EPC1: variants seen among roughly 807,000 people sequenced by gnomAD.
EPC1 encodes the protein enhancer of polycomb homolog 1.
Under a neutral mutation model 98.4 loss-of-function variants are expected in EPC1, and 12 were observed. That is an observed-to-expected ratio of 0.12 (90% CI 0.08 to 0.20). The LOEUF (loss-of-function observed/expected upper bound fraction) is 0.20, where lower values mean the gene tolerates loss of function less well. Among genes scored for constraint, EPC1 ranks in the 10% least tolerant of loss-of-function variants. EPC1 has a pLI of 1.00. For missense variants in EPC1, 729 were observed against 990.5 expected (o/e 0.74, Z 3.54); for synonymous variants, 357 against 363.9 (o/e 0.98, Z 0.21).
intron 13 of EPC1, among the ~76,000 whole-genome samples, chr10:32,270,996 C>T (rs566034332): frequency 4.2e-4 from 26 of 61,454 alleles, no homozygotes; most frequent in Admixed American, 3.9e-3. Flanking sequence ...GAGCATTATA[C>T]GCTTTTTTTT....
At chr10:32,282,539 G>A (rs1196400436) in intron 10 of EPC1, 1 of 151,832 alleles carries the variant, frequency 6.6e-6, no homozygotes, top group East Asian at 1.9e-4. Context: ...ATAAATAGTT[G>A]TATCGCATAT....
At chr10:32,346,621 G>T in intron 1 of EPC1, 142 bp downstream of exon 1, 1 of 824,222 alleles carries the variant, frequency 1.2e-6, no homozygotes, top group Non-Finnish European at 1.9e-6. Flanking sequence ...GGGGAGGCGG[G>T]GTATAGGCCC....
intron 1 of EPC1, among the ~76,000 whole-genome samples, chr10:32,333,571 A>G (rs1837769481): frequency 1.3e-5 from 2 of 152,188 alleles, no homozygotes; most frequent in South Asian, 4.1e-4. Context: ...TGAGAAATGC[A>G]TTCTGAGCCA....
intron 1 of EPC1, among the ~76,000 whole-genome samples, chr10:32,342,507 T>C (rs1428274851): frequency 6.6e-6 from 1 of 152,334 alleles, no homozygotes; most frequent in East Asian, 1.9e-4. Flanking sequence ...CAATGTATAT[T>C]GTGCCAGTAA....
chr10:32,345,586 C>T, intron 1 of EPC1: 1 of 985,406 alleles, frequency 1.0e-6, no homozygotes, highest in Non-Finnish European at 1.2e-6. Flanking sequence ...TATGCAATTC[C>T]TTAGGATTAG....
At chr10:32,307,502 CTT>C (rs1592578331) in intron 1 of EPC1, among the ~76,000 whole-genome samples, 1 of 152,238 alleles carries the variant, frequency 6.6e-6, no homozygotes, top group East Asian at 1.9e-4. Context: ...AAATGTTGCT[CTT>C]CTTTGCTCAT....
At chr10:32,362,999 C>T (rs1322576529) in intron 1 of EPC1, among the ~76,000 whole-genome samples, 2 of 152,234 alleles carry the variant, frequency 1.3e-5, no homozygotes, top group Non-Finnish European at 2.9e-5. Context: ...ATTTCTGCTA[C>T]ACTTTTGTAA....
Position 32,331,890 on chromosome 10 carries a change from A to G in EPC1, c.153+14873T>C, listed in dbSNP as rs191526009. Among the ~76,000 whole-genome samples the G allele has an allele frequency of 1.3e-4, 20 of 152,326 alleles. No individual in the cohort carries two copies. The East Asian group carries it at 2.1e-3, about 16-fold the overall frequency. On this transcript the variant is annotated intron_variant, in intron 1 of 13. Coordinates refer to ENST00000319778, the MANE Select transcript of EPC1 (RefSeq NM_001272004.3). ...GCCTTAACATTTTCTCTGGCTTAAAATTTTGGTTTATTAAAATGTCTCATG... is the reference window on the plus strand; with the variant it reads ...GCCTTAACATTTTCTCTGGCTTAAAGTTTTGGTTTATTAAAATGTCTCATG...
At chr10:32,309,037 A>G (rs1303536952) in intron 1 of EPC1, among the ~76,000 whole-genome samples, 1 of 152,128 alleles carries the variant, frequency 6.6e-6, no homozygotes, top group East Asian at 1.9e-4. Context: ...CCAGGCACAG[A>G]AAAAAAATTT....
chr10:32,362,732 T>C (rs970551290), intron 1 of EPC1, among the ~76,000 whole-genome samples: 3 of 152,200 alleles, frequency 2.0e-5, no homozygotes, highest in African/African-American at 4.8e-5. Context: ...CCCACGAAGA[T>C]GCCAACTCAA....
At chr10:32,356,400 T>G (rs998482403) in intron 1 of EPC1, among the ~76,000 whole-genome samples, 2 of 151,792 alleles carry the variant, frequency 1.3e-5, no homozygotes, top group Non-Finnish European at 2.9e-5. Context: ...GTGGGATTCT[T>G]GGTGTGAAGA....
At chr10:32,335,388 C>T (rs1024656755) in intron 1 of EPC1, among the ~76,000 whole-genome samples, 1 of 152,072 alleles carries the variant, frequency 6.6e-6, no homozygotes, top group African/African-American at 2.4e-5. Flanking sequence ...CTCTTCTTTA[C>T]ATTCATTCTC....
At position 32,289,046 on chromosome 10, in the gene EPC1, G is replaced by T. The variant is rs181846491; in HGVS notation, c.976-1772C>A. On this transcript the variant is annotated intron_variant, in intron 6 of 13. Transcript: ENST00000319778. The stretch of plus-strand genomic sequence containing the variant: ...GGAGGTTGCAGTGAGCCAAGATTGC[G>T]CCACTGCACTCCAGCCTGGGTGACA... Among the ~76,000 whole-genome samples the T allele has an allele frequency of 2.6e-5, 4 of 151,902 alleles. No homozygotes were observed. In the East Asian group the frequency reaches 7.7e-4, roughly 29 times the overall value.
chr10:32,270,920 GA>G (rs1487351144), intron 13 of EPC1, among the ~76,000 whole-genome samples: 1 of 149,724 alleles, frequency 6.7e-6, no homozygotes, highest in African/African-American at 2.5e-5. Context: ...AGAAGCTGTG[GA>G]AAAAAAGTCA....
At chr10:32,273,012 ACCTGTAGTGTT>A in intron 11 of EPC1, 140 bp downstream of exon 11, 2 of 1,613,588 alleles carry the variant, frequency 1.2e-6, no homozygotes, top group Non-Finnish European at 1.7e-6. Flanking sequence ...TTCCATACTC[ACCTGTAGTGTT>A]CTTTCTAAAC....
Position 32,291,239 on chromosome 10 carries a change from G to C in EPC1, c.899C>G (p.Pro300Arg). 1 of 1,613,890 alleles carries C rather than the reference G, an allele frequency of 6.2e-7. No homozygotes were observed. Among genetic ancestry groups the C allele is most frequent in the Non-Finnish European group, 8.5e-7 (1 of 1,179,886 alleles). Residue 300 changes from proline to arginine, a missense_variant, in exon 6 of 14, where the codon CCC (proline) becomes CGC (arginine). Around this residue, in one of 6 missense-constraint regions of EPC1, gnomAD observed 390 missense variants for 438.6 expected, o/e 0.89. Transcript: ENST00000319778. ...ACTGCTATTAGTAATAGGGATGATG[G>C]GGATGGCATAAGTAGGTTTCATTGG... Reference protein sequence around the residue: ...RQPMKPTYAIPIIPITNSSQF... With the variant: ...RQPMKPTYAIRIIPITNSSQF...
intron 2 of EPC1, among the ~76,000 whole-genome samples, chr10:32,297,907 C>T (rs1835268670): frequency 6.6e-6 from 1 of 152,140 alleles, no homozygotes; most frequent in Non-Finnish European, 1.5e-5. Context: ...ACACCATTCT[C>T]CTGCCTCGGC....
chr10:32,276,470 C>A (rs1229392316), intron 10 of EPC1, among the ~76,000 whole-genome samples: 1 of 152,210 alleles, frequency 6.6e-6, no homozygotes, highest in Non-Finnish European at 1.5e-5. Flanking sequence ...CGAGACCGCA[C>A]CACTGCACTC....
chr10:32,288,371 G>A (rs1371879545), intron 6 of EPC1, among the ~76,000 whole-genome samples: 1 of 141,204 alleles, frequency 7.1e-6, no homozygotes, highest in East Asian at 2.1e-4. Context: ...CTGGAGTACA[G>A]TGGTGCGGTA....
Sources: gnomAD v4.1 joint callset for allele counts (sites outside exome capture counted in the v4.1 genomes callset) on GRCh38, gnomAD v4.1.1 for gene constraint, gnomAD v4.1.1 regional missense constraint, MANE v1.5 for transcripts, NCBI Gene and HGNC (gene_info 2026-07-23, HGNC 2026-07-21) for gene names.